RTN4R: variants seen among roughly 807,000 people sequenced by gnomAD.
The protein encoded by RTN4R is reticulon-4 receptor.
In RTN4R, 4 loss-of-function variants were observed where a neutral mutation model predicts 27.7. The ratio of observed to expected loss-of-function variants is 0.14; its 90% CI spans 0.07 to 0.33. RTN4R has a LOEUF of 0.33. Ranked by LOEUF, RTN4R falls within the 10% of genes least tolerant of loss-of-function variation. RTN4R has a pLI of 1.00. For synonymous variants in RTN4R, 290 were observed against 305.6 expected, an observed-to-expected ratio of 0.95 and a Z score of 0.53; for missense variants, 554 against 671.5, an observed-to-expected ratio of 0.83 and a Z score of 1.93.
At position 20,267,548 on chromosome 22, in the gene RTN4R, AC is replaced by A. The variant is rs545189700; in HGVS notation, c.22+522del. ...CCGCCCTGGAGGCAGCGCTGGGACAACCCTGTCCCCCACGCCCTCTACTGCC... is the reference window on the plus strand; with the variant it reads ...CCGCCCTGGAGGCAGCGCTGGGACAACCTGTCCCCCACGCCCTCTACTGCC... On this transcript the variant is annotated intron_variant, in intron 1 of 1. Coordinates refer to ENST00000043402, the MANE Select transcript of RTN4R (RefSeq NM_023004.6). 1,000 of 463,760 alleles carry A rather than the reference AC, an allele frequency of 2.2e-3. 5 individuals are homozygous for A. Among genetic ancestry groups the A allele is most frequent in the African/African-American group, 0.018 (883 of 49,274 alleles). 28.7% of individuals were successfully genotyped at this position (463,760 alleles called of 1,614,324 possible). A position where few individuals can be genotyped will look rare whatever the true frequency, so the allele number is the denominator to read the frequency against.
chr22:20,245,236 G>A (rs969125120), intron 1 of RTN4R, among the ~76,000 whole-genome samples: 3 of 152,174 alleles, frequency 2.0e-5, no homozygotes, highest in Non-Finnish European at 2.9e-5. Context: ...GCAAAGACAC[G>A]GCTCGGTTCC....
rs763925592 is a variant in RTN4R at position 20,241,952 on chromosome 22, G to A, written c.1181C>T (p.Pro394Leu). 8 of 1,608,734 alleles carry A rather than the reference G, an allele frequency of 5.0e-6. No homozygotes were observed. The highest frequency in any genetic ancestry group is 3.3e-5 in the Admixed American group (2 of 59,986). ...GCCCTCGGGCCGCACTGCAGTGAGC[G>A]GGGGCTCAGCAGAGCCAGGCAGAGT... ...FGTLPGSAEP[P>L]LTAVRPEGSE... Residue 394 changes from proline to leucine, a missense_variant, in exon 2 of 2, where the codon CCG becomes CTG. Around this residue, in one of 2 missense-constraint regions of RTN4R, gnomAD observed 141 missense variants for 129.2 expected, o/e 1.09. Transcript: ENST00000043402.
intron 1 of RTN4R, among the ~76,000 whole-genome samples, chr22:20,264,111 C>A (rs1219211943): frequency 4.6e-5 from 7 of 152,224 alleles, no homozygotes; most frequent in African/African-American, 1.7e-4. Context: ...CGTGACCAGA[C>A]CCCAGACCTG....
chr22:20,245,613 C>T (rs1207926411), intron 1 of RTN4R, among the ~76,000 whole-genome samples: 1 of 152,144 alleles, frequency 6.6e-6, no homozygotes, highest in Non-Finnish European at 1.5e-5. Context: ...TGGCCCGTGG[C>T]CCCTGACCTG....
At position 20,242,276 on chromosome 22, in the gene RTN4R, G is replaced by T; in HGVS notation, c.857C>A (p.Pro286His). ...AGCCAGGCGTTGCGGGAGGCTGCAG[G>T]GCACCTCGGAGGAGGAGCCGCGGAA... is the stretch of plus-strand genomic sequence containing the variant. ...QKFRGSSSEVPCSLPQRLAGR... is the reference protein window; with the variant it reads ...QKFRGSSSEVHCSLPQRLAGR... Residue 286 changes from proline to histidine, a missense_variant, in exon 2 of 2, where the codon CCC becomes CAC. Pro to His is a moderately conservative substitution (Grantham distance 77, BLOSUM62 -2). Coordinates refer to ENST00000043402, the MANE Select transcript of RTN4R (RefSeq NM_023004.6). 1 of 1,598,634 alleles carries T rather than the reference G, an allele frequency of 6.3e-7. No homozygotes were observed. Among genetic ancestry groups the T allele is most frequent in the Non-Finnish European group, 8.5e-7 (1 of 1,173,786 alleles).
chr22:20,264,638 T>C (rs1407566273), intron 1 of RTN4R, among the ~76,000 whole-genome samples: 3 of 152,130 alleles, frequency 2.0e-5, no homozygotes, highest in Non-Finnish European at 4.4e-5. Flanking sequence ...GATCTGGCTT[T>C]GAGGAGGGTG....
At position 20,242,241 on chromosome 22, in the gene RTN4R, G is replaced by C; in HGVS notation, c.892C>G (p.Leu298Val). ...SLPQRLAGRDLKRLAANDLQG... is the reference protein window; with the variant it reads ...SLPQRLAGRDVKRLAANDLQG... The stretch of plus-strand genomic sequence containing the variant: ...AGGTCATTGGCAGCTAGGCGTTTGA[G>C]GTCACGGCCAGCCAGGCGTTGCGGG... The change falls in exon 2 of 2, where the codon CTC becomes GTC. Residue 298 changes from leucine to valine, a missense_variant. Physicochemically the swap from Leu to Val is conservative, Grantham distance 32. This residue lies in a region of RTN4R where 413 missense variants were observed against 542.3 expected (regional missense o/e 0.76). Transcript: ENST00000043402. The C allele has an allele frequency of 6.2e-7, 1 of 1,602,116 alleles. No homozygotes were observed. The highest frequency in any genetic ancestry group is 8.5e-7 in the Non-Finnish European group (1 of 1,175,268).
intron 1 of RTN4R, among the ~76,000 whole-genome samples, chr22:20,252,390 G>A (rs939472799): frequency 2.0e-5 from 3 of 152,200 alleles, no homozygotes; most frequent in South Asian, 2.1e-4. Context: ...AGGGCCCCTC[G>A]CCTCCCTGGG....
intron 1 of RTN4R, among the ~76,000 whole-genome samples, chr22:20,258,041 C>T (rs2051221765): frequency 6.6e-6 from 1 of 152,176 alleles, no homozygotes; most frequent in Non-Finnish European, 1.5e-5. Context: ...GCAGCCTGCA[C>T]CTGGCCTCTC....
chr22:20,256,753 G>A (rs2051214318), intron 1 of RTN4R, among the ~76,000 whole-genome samples: 1 of 152,224 alleles, frequency 6.6e-6, no homozygotes, highest in South Asian at 2.1e-4. Flanking sequence ...GGCTGCAGCA[G>A]GCCTGGAGGC....
chr22:20,241,635 T>G lies in RTN4R; in HGVS notation c.*76A>C. ...CTGCCCCACGGGTCGGCCGCCCGGC[T>G]GGCTTGGCGGCGTGGAGAGAGACCC... On this transcript the variant is annotated 3_prime_UTR_variant, in exon 2 of 2. Coordinates refer to ENST00000043402, the MANE Select transcript of RTN4R (RefSeq NM_023004.6). 1 of 1,517,412 alleles carries G rather than the reference T, an allele frequency of 6.6e-7. No homozygotes were observed. Among genetic ancestry groups the G allele is most frequent in the South Asian group, 1.2e-5 (1 of 82,764 alleles). The allele number at this position is 1,517,412 out of a possible 1,614,324, so 94.0% of individuals were successfully genotyped here. A position where few individuals can be genotyped will look rare whatever the true frequency, so the allele number is the denominator to read the frequency against.
intron 1 of RTN4R, among the ~76,000 whole-genome samples, chr22:20,253,637 C>A (rs1567871): frequency 6.6e-6 from 1 of 151,900 alleles, no homozygotes; most frequent in Non-Finnish European, 1.5e-5. Flanking sequence ...ACCAGGCATC[C>A]GGAAAACATA....
intron 1 of RTN4R, among the ~76,000 whole-genome samples, chr22:20,261,635 C>G (rs1392882416): frequency 6.6e-6 from 1 of 152,236 alleles, no homozygotes; most frequent in African/African-American, 2.4e-5. Flanking sequence ...ACCCTGGGGT[C>G]TCCCGGAGCT....
chr22:20,264,913 A>T (rs1462826695), intron 1 of RTN4R, among the ~76,000 whole-genome samples: 1 of 152,076 alleles, frequency 6.6e-6, no homozygotes, highest in Non-Finnish European at 1.5e-5. Flanking sequence ...GCCCTCACTA[A>T]CCCTGTGCCA....
At chr22:20,245,648 G>T (rs1241060946) in intron 1 of RTN4R, among the ~76,000 whole-genome samples, 1 of 152,166 alleles carries the variant, frequency 6.6e-6, no homozygotes, top group Non-Finnish European at 1.5e-5. Context: ...CAGCCTCAAG[G>T]CCACAAGGCC....
intron 1 of RTN4R, among the ~76,000 whole-genome samples, chr22:20,264,806 G>A (rs1340309534): frequency 6.6e-6 from 1 of 152,242 alleles, no homozygotes; most frequent in Non-Finnish European, 1.5e-5. Context: ...GCTGCAGAGG[G>A]TCAGGCAGAC....
In RTN4R at chr22:20,241,644, G is replaced by A. The variant is rs1229858585; in HGVS notation, c.*67C>T. Reference sequence around the variant, plus strand: ...GGGTCGGCCGCCCGGCTGGCTTGGCGGCGTGGAGAGAGACCCCGTATGTAC... The same window carrying A: ...GGGTCGGCCGCCCGGCTGGCTTGGCAGCGTGGAGAGAGACCCCGTATGTAC... On this transcript the variant is annotated 3_prime_UTR_variant, in exon 2 of 2. Coordinates refer to ENST00000043402, the MANE Select transcript of RTN4R (RefSeq NM_023004.6). The A allele has an allele frequency of 3.9e-6, 6 of 1,530,264 alleles. No individual in the cohort carries two copies. Among genetic ancestry groups the A allele is most frequent in the Admixed American group, 2.0e-5 (1 of 50,742 alleles). 94.8% of individuals were successfully genotyped at this position (1,530,264 alleles called of 1,614,324 possible).
intron 1 of RTN4R, chr22:20,243,423 T>G (rs1347692361): frequency 1.6e-6 from 1 of 629,096 alleles, no homozygotes; most frequent in East Asian, 3.4e-5. Flanking sequence ...CCTCCTGGAA[T>G]GGACACTGGT....
chr22:20,243,293 C>G (rs1234338351), intron 1 of RTN4R, 183 bp from the exon 2 acceptor site: 1 of 683,396 alleles, frequency 1.5e-6, no homozygotes, highest in Non-Finnish European at 2.6e-6. Flanking sequence ...GCCTCATGGA[C>G]GATGCTGGGC....
Sources: allele counts gnomAD v4.1 joint callset (sites outside exome capture counted in the v4.1 genomes callset), GRCh38; gene constraint gnomAD v4.1.1; regional missense constraint gnomAD v4.1.1; transcripts MANE v1.5; gene names NCBI Gene and HGNC (gene_info 2026-07-23, HGNC 2026-07-21).